The following DPY19L4 variants were observed in gnomAD, a reference collection of about 807,000 sequenced individuals.
The protein encoded by DPY19L4 is probable C-mannosyltransferase DPY19L4.
In DPY19L4, 97 loss-of-function variants were observed where a neutral mutation model predicts 102.8. The ratio of observed to expected loss-of-function variants is 0.94; its 90% CI spans 0.80 to 1.12. The LOEUF (loss-of-function observed/expected upper bound fraction) is 1.12, where lower values mean the gene tolerates loss of function less well. Ranked by LOEUF, DPY19L4 falls within the 50% of genes most tolerant of loss-of-function variation. The probability of loss-of-function intolerance (pLI) is 0.00; values close to 1 mark genes in which losing one functional copy is unlikely to be tolerated. For missense variants in DPY19L4, 815 were observed against 850.4 expected (o/e 0.96, Z 0.52); for synonymous variants, 252 against 283.1 (o/e 0.89, Z 1.10).
In DPY19L4 at chr8:94,719,959, C is replaced by A. The variant is rs1326137826; in HGVS notation, c.-40C>A. The A allele has an allele frequency of 4.0e-6, 6 of 1,504,434 alleles. No individual in the cohort carries two copies. The highest frequency in any genetic ancestry group is 5.3e-6 in the Non-Finnish European group (6 of 1,126,700). 93.2% of individuals were successfully genotyped at this position (1,504,434 alleles called of 1,614,324 possible). A position where few individuals can be genotyped will look rare whatever the true frequency, so the allele number is the denominator to read the frequency against. On this transcript the variant is annotated 5_prime_UTR_variant, in exon 1 of 19. Coordinates refer to ENST00000414645, the MANE Select transcript of DPY19L4 (RefSeq NM_181787.3). ...ACGCGGAGGGAGGGAGAGTCTGGGC[C>A]GCGCGGGAGCCGCAGGGCGCCCTAG...
chr8:94,721,927 A>G lies in DPY19L4; in HGVS notation c.16+1913A>G, dbSNP rs1810475913. 4.0e-5 allele frequency among the ~76,000 whole-genome samples: 6 copies of G among 151,546 alleles called. No individual in the cohort carries two copies. In the South Asian group the frequency reaches 1.0e-3, roughly 26 times the overall value. On this transcript the variant is annotated intron_variant, in intron 1 of 18. Transcript: ENST00000414645. ...AGTTCGAGACCAGCCTGGCTAACAC[A>G]GTGAAACCCCATCTCTACTAAAAAT...
chr8:94,733,839 G>A (rs1418944491), intron 2 of DPY19L4, among the ~76,000 whole-genome samples: 3 of 152,114 alleles, frequency 2.0e-5, no homozygotes, highest in Non-Finnish European at 4.4e-5. Flanking sequence ...ACCGCGCCCG[G>A]CCTATACTTT....
In DPY19L4 at chr8:94,756,253, T is replaced by C. The variant is rs892905928; in HGVS notation, c.735+94T>C. The C allele has an allele frequency of 8.0e-6, 12 of 1,491,970 alleles. No homozygotes were observed. The African/African-American group carries it at 1.7e-4, about 21-fold the overall frequency. The allele number at this position is 1,491,970 out of a possible 1,614,324, so 92.4% of individuals were successfully genotyped here. A position where few individuals can be genotyped will look rare whatever the true frequency, so the allele number is the denominator to read the frequency against. On this transcript the variant is annotated intron_variant, in intron 7 of 18. Coordinates refer to ENST00000414645, the MANE Select transcript of DPY19L4 (RefSeq NM_181787.3). ...AAATAAATTTTAGTCCTAGTAAGAA[T>C]TAAATCATATTTAATGAAGCCTGGT...
At chr8:94,780,475 A>C (rs1444017188) in intron 15 of DPY19L4, 60 bp downstream of exon 15, 2 of 1,104,442 alleles carry the variant, frequency 1.8e-6, no homozygotes, top group Admixed American at 2.8e-5. Context: ...GTAGTGATAA[A>C]TTTATATGTG....
At chr8:94,760,769 G>A (rs1006581336) in intron 7 of DPY19L4, among the ~76,000 whole-genome samples, 12 of 152,240 alleles carry the variant, frequency 7.9e-5, no homozygotes, top group Admixed American at 2.6e-4. Flanking sequence ...AGAAGAAGGA[G>A]AGGCTGTTGT....
intron 7 of DPY19L4, among the ~76,000 whole-genome samples, chr8:94,758,627 CT>C (rs1812266937): frequency 6.6e-6 from 1 of 152,124 alleles, no homozygotes; most frequent in South Asian, 2.1e-4. Flanking sequence ...AGTATGTAAC[CT>C]TTTAAGATTA....
chr8:94,725,381 T>G (rs950881256), intron 1 of DPY19L4, among the ~76,000 whole-genome samples: 1 of 152,228 alleles, frequency 6.6e-6, no homozygotes, highest in Non-Finnish European at 1.5e-5. Context: ...CTGTTCATCT[T>G]GGAGTTTAGT....
At chr8:94,780,311 T>C (rs373599399) in intron 14 of DPY19L4, 48 bp from the exon 15 acceptor site, 289 of 1,338,534 alleles carry the variant, frequency 2.2e-4, no homozygotes, top group Non-Finnish European at 2.8e-4. Flanking sequence ...CTCTAACGTG[T>C]GTTCTGAAAT....
chr8:94,739,733 T>G lies in DPY19L4; in HGVS notation c.554T>G (p.Leu185Arg). ...YVTALFVTSW[L>R]MSGTWLAGML... ...ACTGCTTTATTTGTTACAAGTTGGC[T>G]TATGAGTGGAACATGGCTAGCAGGA... The change falls in exon 6 of 19, where the codon CTT becomes CGT. Residue 185 changes from leucine (L) to arginine (R), a missense_variant. Transcript: ENST00000414645. 6.2e-7 allele frequency: 1 copy of G among 1,613,396 alleles called. No individual in the cohort carries two copies. The highest frequency in any genetic ancestry group is 8.5e-7 in the Non-Finnish European group (1 of 1,180,038).
rs1407747773 is a variant in DPY19L4 at position 94,792,975 on chromosome 8, G to C, written c.*3065G>C. On this transcript the variant is annotated 3_prime_UTR_variant, in exon 19 of 19. Transcript: ENST00000414645. ...GAATAAGATATATGATATTGATTCT[G>C]AGCTGCTTTGTATTTTTTCTGACTT... The C allele has an allele frequency of 6.6e-6, 1 of 152,194 alleles. No individual in the cohort carries two copies. Among genetic ancestry groups the C allele is most frequent in the African/African-American group, 2.4e-5 (1 of 41,454 alleles). 9.4% of individuals were successfully genotyped at this position (152,194 alleles called of 1,614,324 possible).
chr8:94,749,584 G>A (rs919081102), intron 6 of DPY19L4, among the ~76,000 whole-genome samples: 3 of 152,158 alleles, frequency 2.0e-5, no homozygotes, highest in Non-Finnish European at 4.4e-5. Context: ...TAAATAGGGA[G>A]AAGGGAAAGA....
At chr8:94,770,310 A>G in intron 12 of DPY19L4, 142 bp from the exon 13 acceptor site, 1 of 964,404 alleles carries the variant, frequency 1.0e-6, no homozygotes, top group South Asian at 1.9e-5. Context: ...ATATACTTTC[A>G]AATTTTAAAA....
chr8:94,780,534 A>G, intron 15 of DPY19L4, 119 bp downstream of exon 15: 2 of 624,558 alleles, frequency 3.2e-6, no homozygotes, highest in Non-Finnish European at 4.7e-6. Context: ...AAAATGTAAC[A>G]TTCTTAGTAA....
At position 94,729,739 on chromosome 8, in the gene DPY19L4, G is replaced by A. The variant is rs1232635966; in HGVS notation, c.127+3298G>A. Among the ~76,000 whole-genome samples, 345 of 150,508 alleles carry A rather than the reference G, an allele frequency of 2.3e-3. 3 individuals are homozygous for A. The highest frequency in any genetic ancestry group is 8.1e-3 in the African/African-American group (329 of 40,602). ...CCAGCTACTTGGGAGGCTGAGGTAG[G>A]AGGATTGCTTAAGCCTGAGAAGTGG... On this transcript the variant is annotated intron_variant, in intron 2 of 18. Coordinates refer to ENST00000414645, the MANE Select transcript of DPY19L4 (RefSeq NM_181787.3).
intron 3 of DPY19L4, among the ~76,000 whole-genome samples, chr8:94,738,001 G>T (rs1385850976): frequency 2.0e-5 from 3 of 152,016 alleles, no homozygotes; most frequent in Admixed American, 6.6e-5. Flanking sequence ...AACAGAGAGA[G>T]ACTCTGTCTC....
chr8:94,755,816 C>G (rs1259476644), intron 6 of DPY19L4, among the ~76,000 whole-genome samples: 2 of 151,662 alleles, frequency 1.3e-5, no homozygotes, highest in Non-Finnish European at 2.9e-5. Context: ...ATCCTGGAGG[C>G]AGAGGTTGCA....
At chr8:94,739,843 C>T in intron 6 of DPY19L4, 53 bp downstream of exon 6, 1 of 1,588,802 alleles carries the variant, frequency 6.3e-7, no homozygotes, top group Non-Finnish European at 8.5e-7. Flanking sequence ...CTGTAGTAGT[C>T]AGAGTTCTGA....
At position 94,793,498 on chromosome 8, in the gene DPY19L4, T is replaced by A. The variant is rs538933906; in HGVS notation, c.*3588T>A. 2.6e-5 allele frequency: 4 copies of A among 152,222 alleles called. No individual in the cohort carries two copies. The highest frequency in any genetic ancestry group is 4.4e-5 in the Non-Finnish European group (3 of 68,016). 9.4% of individuals were successfully genotyped at this position (152,222 alleles called of 1,614,324 possible). On this transcript the variant is annotated 3_prime_UTR_variant, in exon 19 of 19. Transcript: ENST00000414645. ...GGTGTATGTTATTAATTAATCTGCATATTTGTAACGCAAATAACTACTTCC... is the reference window on the plus strand; with the variant it reads ...GGTGTATGTTATTAATTAATCTGCAAATTTGTAACGCAAATAACTACTTCC...
intron 2 of DPY19L4, among the ~76,000 whole-genome samples, chr8:94,728,461 G>A (rs1402010262): frequency 6.6e-6 from 1 of 152,202 alleles, no homozygotes; most frequent in Admixed American, 6.5e-5. Context: ...ATCTAAAGAT[G>A]GGTTTGGAGA....
Sources: allele counts gnomAD v4.1 joint callset (sites outside exome capture counted in the v4.1 genomes callset), GRCh38; gene constraint gnomAD v4.1.1; transcripts MANE v1.5; gene names NCBI Gene and HGNC (gene_info 2026-07-23, HGNC 2026-07-21).